WDFY2: variants seen among roughly 807,000 people sequenced by gnomAD.
The protein encoded by WDFY2 is WD repeat and FYVE domain-containing protein 2.
WDFY2 carries 36 observed loss-of-function variants against 56.4 expected under a neutral mutation model. The observed-to-expected ratio is 0.64, with a 90% CI of 0.49 to 0.84. The LOEUF (loss-of-function observed/expected upper bound fraction) is 0.84. Among genes scored for constraint, WDFY2 ranks in the 40% least tolerant of loss-of-function variants. The pLI, the probability that WDFY2 is intolerant of heterozygous loss-of-function variation, is 0.00. For missense variants in WDFY2, 444 were observed against 512.2 expected (o/e 0.87, Z 1.29); for synonymous variants, 176 against 183.7 (o/e 0.96, Z 0.34).
chr13:51,740,582 C>T (rs186414241), intron 7 of WDFY2, among the ~76,000 whole-genome samples: 14 of 152,166 alleles, frequency 9.2e-5, no homozygotes, highest in Non-Finnish European at 1.5e-4. Flanking sequence ...AGCATAGTGG[C>T]GCGTGCCTGT....
rs66771214 is a variant in WDFY2, at chr13:51,667,879, C to CTTTTTTTTTTTTTTTTTTTTTTTTTTT, written c.205+7220_205+7246dup. Among the ~76,000 whole-genome samples, 4 of 50,048 alleles carry CTTTTTTTTTTTTTTTTTTTTTTTTTTT rather than the reference C, an allele frequency of 8.0e-5. 1 individual carries two copies. The highest frequency in any genetic ancestry group is 4.0e-4 in the African/African-American group (4 of 10,028). The allele number at this position is 50,048 out of a possible 152,430, so 32.8% of individuals were successfully genotyped here. A position where few individuals can be genotyped will look rare whatever the true frequency, so the allele number is the denominator to read the frequency against. ...GAAGAAAAAGGTACCTGAGGAACTT[C>CTTTTTTTTTTTTTTTTTTTTTTTTTTT]TTTTTTTTTTTTTTTTTTTTTTTTT... On this transcript the variant is annotated intron_variant, in intron 2 of 11. Transcript: ENST00000298125.
chr13:51,710,118 C>T (rs143963236), intron 4 of WDFY2, among the ~76,000 whole-genome samples: 7,729 of 152,240 alleles, frequency 0.051, 243 homozygotes, highest in Middle Eastern at 0.082. Context: ...CCCTGGGATG[C>T]AAGGCTGGTT....
chr13:51,625,137 T>C (rs978655618), intron 1 of WDFY2, among the ~76,000 whole-genome samples: 2 of 152,138 alleles, frequency 1.3e-5, no homozygotes, highest in Admixed American at 1.3e-4. Flanking sequence ...TAGGAGGACA[T>C]TGCAGTAGGA....
chr13:51,634,528 A>G (rs1955009915), intron 1 of WDFY2, among the ~76,000 whole-genome samples: 1 of 152,164 alleles, frequency 6.6e-6, no homozygotes, highest in Non-Finnish European at 1.5e-5. Flanking sequence ...TGGAAAAGGC[A>G]GCCAGGTGCA....
At chr13:51,711,118 C>G (rs1444664321) in intron 4 of WDFY2, among the ~76,000 whole-genome samples, 1 of 136,092 alleles carries the variant, frequency 7.3e-6, no homozygotes, top group Non-Finnish European at 1.6e-5. Context: ...AGAATAGAGC[C>G]CTCGGAAATA....
intron 2 of WDFY2, among the ~76,000 whole-genome samples, chr13:51,664,217 A>ACTGCTTTGGG (rs1197364945): frequency 6.6e-6 from 1 of 152,172 alleles, no homozygotes; most frequent in Non-Finnish European, 1.5e-5. Context: ...AAACACAAGC[A>ACTGCTTTGGG]CTGCTTTGGG....
chr13:51,645,568 G>A (rs1230864999), intron 1 of WDFY2, among the ~76,000 whole-genome samples: 3 of 152,050 alleles, frequency 2.0e-5, no homozygotes, highest in Admixed American at 1.3e-4. Flanking sequence ...TATATAGATA[G>A]TGTTTTATTG....
At chr13:51,628,700 A>G (rs989362998) in intron 1 of WDFY2, among the ~76,000 whole-genome samples, 1 of 152,242 alleles carries the variant, frequency 6.6e-6, no homozygotes, top group African/African-American at 2.4e-5. Flanking sequence ...ATGAGCTAAT[A>G]GAGCCCTTGA....
chr13:51,684,763 C>T (rs1956034838), intron 3 of WDFY2, among the ~76,000 whole-genome samples: 1 of 152,118 alleles, frequency 6.6e-6, no homozygotes, highest in African/African-American at 2.4e-5. Context: ...AGACCTGTCT[C>T]CAGACTCTGG....
intron 1 of WDFY2, chr13:51,586,283 G>A (rs1953934428): frequency 2.6e-6 from 1 of 380,960 alleles, no homozygotes; most frequent in African/African-American, 2.1e-5. Flanking sequence ...ATTGGTAGAT[G>A]TCACTTTCCC....
intron 6 of WDFY2, among the ~76,000 whole-genome samples, chr13:51,730,001 G>C (rs567617294): frequency 1.3e-5 from 2 of 152,120 alleles, no homozygotes; most frequent in Non-Finnish European, 2.9e-5. Context: ...CGGCCCCCCA[G>C]TCCCTGGAAA....
chr13:51,659,149 A>G (rs933877736), intron 1 of WDFY2, among the ~76,000 whole-genome samples: 2 of 151,680 alleles, frequency 1.3e-5, no homozygotes, highest in East Asian at 3.9e-4. Context: ...CTGGTTTCGA[A>G]CTCCTGACCT....
intron 3 of WDFY2, among the ~76,000 whole-genome samples, chr13:51,678,101 T>C (rs1254862428): frequency 6.6e-6 from 1 of 152,244 alleles, no homozygotes; most frequent in Non-Finnish European, 1.5e-5. Context: ...TAAAATGTTA[T>C]CTTTTTGTTT....
chr13:51,663,806 A>G (rs1407217991), intron 2 of WDFY2, among the ~76,000 whole-genome samples: 1 of 152,218 alleles, frequency 6.6e-6, no homozygotes, highest in Non-Finnish European at 1.5e-5. Context: ...AAAATGCACA[A>G]TATATTCAGA....
chr13:51,627,765 A>G (rs775650034), intron 1 of WDFY2, among the ~76,000 whole-genome samples: 6 of 152,122 alleles, frequency 3.9e-5, no homozygotes, highest in Non-Finnish European at 7.4e-5. Context: ...GAGGTGCTTT[A>G]TGCAACAGAA....
At chr13:51,628,714 A>G (rs565270724) in intron 1 of WDFY2, among the ~76,000 whole-genome samples, 9 of 152,236 alleles carry the variant, frequency 5.9e-5, no homozygotes, top group Non-Finnish European at 1.2e-4. Flanking sequence ...CCCTTGATGC[A>G]TCACAGATGC....
At chr13:51,671,776 C>CTTTT (rs564584742) in intron 2 of WDFY2, among the ~76,000 whole-genome samples, 40 of 62,002 alleles carry the variant, frequency 6.5e-4, no homozygotes, top group African/African-American at 7.2e-4. Flanking sequence ...GTTGCATTTG[C>CTTTT]TTTTTTTTTT....
intron 2 of WDFY2, among the ~76,000 whole-genome samples, chr13:51,669,157 T>A (rs983100190): frequency 6.6e-6 from 1 of 152,232 alleles, no homozygotes; most frequent in Non-Finnish European, 1.5e-5. Flanking sequence ...TGTCTAGGGC[T>A]ATGTCTCCTG....
At chr13:51,647,301 C>G (rs558892703) in intron 1 of WDFY2, among the ~76,000 whole-genome samples, 3 of 152,246 alleles carry the variant, frequency 2.0e-5, no homozygotes, top group African/African-American at 7.2e-5. Flanking sequence ...TATGGTCTAC[C>G]CACTACGTCC....
Sources: gnomAD v4.1 joint callset for allele counts (sites outside exome capture counted in the v4.1 genomes callset) on GRCh38, gnomAD v4.1.1 for gene constraint, MANE v1.5 for transcripts, NCBI Gene and HGNC (gene_info 2026-07-23, HGNC 2026-07-21) for gene names.